The following CADPS variants were observed in gnomAD, a reference collection of about 807,000 sequenced individuals.
The protein encoded by CADPS is calcium-dependent secretion activator 1.
A neutral mutation model predicts 167.3 loss-of-function variants in CADPS; 57 were observed. The observed-to-expected ratio is 0.34, with a 90% CI of 0.28 to 0.42. The LOEUF (loss-of-function observed/expected upper bound fraction) is 0.42. Among genes scored for constraint, CADPS ranks in the 20% least tolerant of loss-of-function variants. The pLI is 1.00. For missense variants in CADPS, 1,414 were observed against 1,738.1 expected (o/e 0.81, Z 3.32); for synonymous variants, 676 against 635.3 (o/e 1.06, Z -0.96).
At chr3:62,865,576 T>C (rs1164340410) in intron 1 of CADPS, among the ~76,000 whole-genome samples, 2 of 152,070 alleles carry the variant, frequency 1.3e-5, no homozygotes, top group African/African-American at 2.4e-5. Flanking sequence ...ATGGGAACAC[T>C]TGAGGGCTTG....
At chr3:62,562,205 T>C (rs1282955615) in intron 9 of CADPS, among the ~76,000 whole-genome samples, 1 of 152,202 alleles carries the variant, frequency 6.6e-6, no homozygotes, top group Non-Finnish European at 1.5e-5. Context: ...AAAATTTTTA[T>C]GGTGTGAATC....
intron 1 of CADPS, among the ~76,000 whole-genome samples, chr3:62,782,747 T>C (rs560663203): frequency 6.7e-6 from 1 of 150,316 alleles, no homozygotes; most frequent in African/African-American, 2.5e-5. Context: ...TTGCATATAG[T>C]GTAGCATTTC....
chr3:62,795,343 C>T (rs1252515564), intron 1 of CADPS, among the ~76,000 whole-genome samples: 1 of 152,010 alleles, frequency 6.6e-6, no homozygotes, highest in East Asian at 1.9e-4. Context: ...AGAGTACTTA[C>T]CATTAAAAAA....
intron 3 of CADPS, among the ~76,000 whole-genome samples, chr3:62,689,879 C>T (rs948159001): frequency 6.6e-5 from 10 of 151,916 alleles, no homozygotes; most frequent in African/African-American, 1.7e-4. Context: ...GGGGGGGCGG[C>T]GTTCTAGCAG....
chr3:62,483,784 T>C (rs1488138273), intron 21 of CADPS, among the ~76,000 whole-genome samples: 2 of 152,160 alleles, frequency 1.3e-5, no homozygotes, highest in African/African-American at 4.8e-5. Flanking sequence ...AACACTGCCA[T>C]GTAACAAAAC....
At chr3:62,805,251 C>T (rs565968915) in intron 1 of CADPS, among the ~76,000 whole-genome samples, 4 of 152,274 alleles carry the variant, frequency 2.6e-5, no homozygotes, top group African/African-American at 4.8e-5. Context: ...AATTCATTTG[C>T]TAACATTTCT....
intron 6 of CADPS, among the ~76,000 whole-genome samples, chr3:62,629,742 A>C (rs1476241351): frequency 7.3e-6 from 1 of 137,860 alleles, no homozygotes. Context: ...CCTCTTGCTC[A>C]CAGACTCTGG....
intron 28 of CADPS, among the ~76,000 whole-genome samples, chr3:62,415,472 T>C (rs1366682987): frequency 6.6e-6 from 1 of 151,946 alleles, no homozygotes. Context: ...AAGCCAGATG[T>C]AGCCCCCACC....
intron 28 of CADPS, among the ~76,000 whole-genome samples, chr3:62,436,422 C>T (rs536200604): frequency 1.9e-4 from 29 of 152,272 alleles, no homozygotes; most frequent in African/African-American, 6.7e-4. Context: ...AACCCACAGG[C>T]TTCTTGAATA....
chr3:62,760,895 C>G (rs1483382505), intron 2 of CADPS, among the ~76,000 whole-genome samples: 2 of 152,168 alleles, frequency 1.3e-5, no homozygotes, highest in Non-Finnish European at 1.5e-5. Flanking sequence ...GTACCTCAGT[C>G]TTTCTTCCAA....
chr3:62,490,335 T>C (rs1384998080), intron 21 of CADPS, among the ~76,000 whole-genome samples: 1 of 151,308 alleles, frequency 6.6e-6, no homozygotes, highest in African/African-American at 2.5e-5. Flanking sequence ...AGAAAGAAAC[T>C]AACAAGGCAA....
chr3:62,608,088 C>G (rs1449845420), intron 6 of CADPS, among the ~76,000 whole-genome samples: 3 of 152,128 alleles, frequency 2.0e-5, no homozygotes, highest in Non-Finnish European at 4.4e-5. Flanking sequence ...GACACTATCA[C>G]AGCAGAGTGA....
At chr3:62,459,250 C>T (rs1227929365) in intron 26 of CADPS, among the ~76,000 whole-genome samples, 1 of 152,190 alleles carries the variant, frequency 6.6e-6, no homozygotes, top group Non-Finnish European at 1.5e-5. Flanking sequence ...TCAGCTCCAG[C>T]ATCAGAAGAC....
chr3:62,609,020 C>T (rs1044174249), intron 6 of CADPS, among the ~76,000 whole-genome samples: 3 of 152,098 alleles, frequency 2.0e-5, no homozygotes, highest in African/African-American at 4.8e-5. Context: ...TAGACGTAAG[C>T]GAGGGTAGGT....
chr3:62,649,543 CTTTTTTTTTTTTTTTTTTT>C (rs369874258), intron 5 of CADPS, among the ~76,000 whole-genome samples: 6 of 37,786 alleles, frequency 1.6e-4, no homozygotes, highest in Admixed American at 1.6e-3. Flanking sequence ...AATATGTGGT[CTTTTTTTTTTTTTTTTTTT>C]TTTTTTTTTT....
chr3:62,673,629 A>G (rs570926814), intron 3 of CADPS, among the ~76,000 whole-genome samples: 21 of 152,320 alleles, frequency 1.4e-4, no homozygotes, highest in African/African-American at 4.6e-4. Flanking sequence ...CAAAAAGAAG[A>G]GTTATATTTT....
At chr3:62,846,322 C>T (rs902070947) in intron 1 of CADPS, among the ~76,000 whole-genome samples, 6 of 152,166 alleles carry the variant, frequency 3.9e-5, no homozygotes, top group South Asian at 2.1e-4. Flanking sequence ...CCATAAGCAA[C>T]GTGTTGTGCT....
At chr3:62,479,366 C>T (rs144550498) in intron 22 of CADPS, among the ~76,000 whole-genome samples, 3 of 152,212 alleles carry the variant, frequency 2.0e-5, no homozygotes, top group Admixed American at 6.5e-5. Flanking sequence ...TCCTCCCCCC[C>T]ACCCACTTCC....
At chr3:62,663,069 G>A (rs901890195) in intron 3 of CADPS, among the ~76,000 whole-genome samples, 6 of 152,156 alleles carry the variant, frequency 3.9e-5, no homozygotes, top group African/African-American at 1.2e-4. Context: ...AGAAAAAGGG[G>A]TCAGTTATGT....
Sources: gnomAD v4.1 joint callset for allele counts (sites outside exome capture counted in the v4.1 genomes callset) on GRCh38, gnomAD v4.1.1 for gene constraint, MANE v1.5 for transcripts, NCBI Gene and HGNC (gene_info 2026-07-23, HGNC 2026-07-21) for gene names.